DNAH12: variants seen among roughly 807,000 people sequenced by gnomAD.
DNAH12 encodes axonemal beta dynein heavy chain 12.
A neutral mutation model predicts 371.5 loss-of-function variants in DNAH12; 285 were observed. That is an observed-to-expected ratio of 0.77 (90% CI 0.70 to 0.85). The LOEUF (loss-of-function observed/expected upper bound fraction) is 0.85. Ranked by LOEUF, DNAH12 falls within the 40% of genes least tolerant of loss-of-function variation. The probability of loss-of-function intolerance (pLI) is 0.00; values close to 1 mark genes in which losing one functional copy is unlikely to be tolerated. For synonymous variants in DNAH12, 1,200 were observed against 1,213.0 expected (o/e 0.99, Z 0.22); for missense variants, 3,611 against 3,689.4 (o/e 0.98, Z 0.55).
At chr3:57,494,565 CAAAACAAAACAAAACATTGTACT>C (rs1294385702) in intron 11 of DNAH12, among the ~76,000 whole-genome samples, 12 of 151,278 alleles carry the variant, frequency 7.9e-5, no homozygotes, top group Middle Eastern at 3.4e-3. Flanking sequence ...CTGTCTAAAA[CAAAACAAAACAAAACATTGTACT>C]AAAACAAAAC....
chr3:57,431,220 G>C (rs1231199038), intron 32 of DNAH12, among the ~76,000 whole-genome samples: 1 of 100,694 alleles, frequency 9.9e-6, no homozygotes, highest in Admixed American at 9.2e-5. Context: ...GACAACCCCT[G>C]TTTTTTCCCT....
Position 57,334,496 on chromosome 3 carries a change from A to G in DNAH12, c.9947T>C (p.Ile3316Thr). 6.5e-7 allele frequency: 1 copy of G among 1,550,032 alleles called. No individual in the cohort carries two copies. The highest frequency in any genetic ancestry group is 8.7e-7 in the Non-Finnish European group (1 of 1,146,694). Reference sequence around the variant, plus strand: ...AGGTCTTAAACACCGAAGAATTATTATTTTCTGTAGTTCATTTAGGTTCTT... The same window carrying G: ...AGGTCTTAAACACCGAAGAATTATTGTTTTCTGTAGTTCATTTAGGTTCTT... ...MDKNLNELQK[I>T]IILRCLRPDK... The change falls in exon 62 of 74, where the codon ATA (isoleucine) becomes ACA (threonine). Residue 3316 changes from isoleucine to threonine, a missense_variant. Ile to Thr is a moderately conservative substitution (Grantham distance 89, BLOSUM62 -1). This residue lies in a region of DNAH12 where 2,266 missense variants were observed against 2,236.9 expected (regional missense o/e 1.01). Coordinates refer to ENST00000495027, the MANE Select transcript of DNAH12 (RefSeq NM_001366028.2).
chr3:57,339,376 A>C (rs1553655316), intron 60 of DNAH12, among the ~76,000 whole-genome samples: 1 of 141,654 alleles, frequency 7.1e-6, no homozygotes, highest in Non-Finnish European at 1.5e-5. Flanking sequence ...TGATCAATAA[A>C]TACTAAAAAA....
chr3:57,499,673 T>TATATATACAC (rs771112538), intron 11 of DNAH12, among the ~76,000 whole-genome samples: 2,549 of 43,840 alleles, frequency 0.058, 388 homozygotes, highest in Middle Eastern at 0.13. Flanking sequence ...TATATATATA[T>TATATATACAC]ATACTTCTTA....
At chr3:57,431,398 T>C (rs1254881640) in intron 32 of DNAH12, among the ~76,000 whole-genome samples, 2 of 152,188 alleles carry the variant, frequency 1.3e-5, no homozygotes, top group Non-Finnish European at 2.9e-5. Flanking sequence ...ACTCCAGCTG[T>C]CCACTTTATG....
In DNAH12 at chr3:57,537,129, G is replaced by A. The variant is rs147401657; in HGVS notation, c.170+5572C>T. 4.3e-3 allele frequency among the ~76,000 whole-genome samples: 659 copies of A among 152,200 alleles called. 6 individuals are homozygous for A. Among genetic ancestry groups the A allele is most frequent in the African/African-American group, 0.015 (638 of 41,526 alleles). On this transcript the variant is annotated intron_variant, in intron 2 of 73. Coordinates refer to ENST00000495027, the MANE Select transcript of DNAH12 (RefSeq NM_001366028.2). ...GGATTGCTTGAGCCAGGAAGGCAGA[G>A]GTTGCAGTGAACAGAGATCGCACCA...
chr3:57,359,559 C>CAAAAAAAAAAAAAAAAAAA (rs1268515074), intron 58 of DNAH12, among the ~76,000 whole-genome samples: 1 of 72,106 alleles, frequency 1.4e-5, no homozygotes, highest in African/African-American at 4.4e-5. Context: ...AACTCCATCT[C>CAAAAAAAAAAAAAAAAAAA]AAAAAAAAAA....
At chr3:57,523,704 T>C in intron 3 of DNAH12, 95 bp from the exon 4 acceptor site, 1 of 1,283,278 alleles carries the variant, frequency 7.8e-7, no homozygotes, top group Non-Finnish European at 1.0e-6. Flanking sequence ...TAAATATATC[T>C]ATTATTCCTT....
At chr3:57,349,502 A>G (rs1317651627) in intron 60 of DNAH12, among the ~76,000 whole-genome samples, 1 of 152,236 alleles carries the variant, frequency 6.6e-6, no homozygotes, top group South Asian at 2.1e-4. Context: ...TATATGAAAA[A>G]GACACCTGTA....
intron 59 of DNAH12, among the ~76,000 whole-genome samples, chr3:57,356,831 C>T (rs1010692288): frequency 1.3e-5 from 2 of 152,110 alleles, no homozygotes; most frequent in Non-Finnish European, 1.5e-5. Flanking sequence ...CATCCACCTC[C>T]TGAGTTCAAG....
At chr3:57,324,704 T>C (rs2061892344) in intron 62 of DNAH12, among the ~76,000 whole-genome samples, 1 of 152,028 alleles carries the variant, frequency 6.6e-6, no homozygotes, top group African/African-American at 2.4e-5. Context: ...CACTAGGGAG[T>C]GCCAGACAGT....
intron 69 of DNAH12, among the ~76,000 whole-genome samples, 156 bp downstream of exon 69, chr3:57,308,994 CT>C (rs1050184234): frequency 1.3e-4 from 20 of 152,240 alleles, no homozygotes; most frequent in African/African-American, 3.9e-4. Context: ...CACACCGCCC[CT>C]AATCCCGCTT....
At chr3:57,358,088 T>C (rs972550466) in intron 58 of DNAH12, among the ~76,000 whole-genome samples, 1 of 152,222 alleles carries the variant, frequency 6.6e-6, no homozygotes, top group Admixed American at 6.5e-5. Context: ...CCACAGACTC[T>C]GATGAATGGT....
chr3:57,308,905 T>A (rs1028952949), intron 69 of DNAH12, among the ~76,000 whole-genome samples: 36 of 151,930 alleles, frequency 2.4e-4, no homozygotes, highest in Non-Finnish European at 4.4e-5. Context: ...GTAAGACAAA[T>A]GTTTCTTCTA....
At chr3:57,306,661 A>G (rs2061478275) in intron 69 of DNAH12, among the ~76,000 whole-genome samples, 1 of 152,090 alleles carries the variant, frequency 6.6e-6, no homozygotes. Context: ...CTTACCCCGC[A>G]TAATGCCAAT....
At chr3:57,436,605 C>A (rs1012276628) in intron 30 of DNAH12, among the ~76,000 whole-genome samples, 2 of 152,182 alleles carry the variant, frequency 1.3e-5, no homozygotes, top group African/African-American at 4.8e-5. Flanking sequence ...AGGTATGATA[C>A]AAAGGCTACC....
At chr3:57,294,203 G>C (rs1048771512) in intron 73 of DNAH12, among the ~76,000 whole-genome samples, 3 of 137,426 alleles carry the variant, frequency 2.2e-5, no homozygotes, top group Non-Finnish European at 4.6e-5. Context: ...TGGAGACTGA[G>C]TCTCACTCTG....
chr3:57,547,484 G>A (rs1332551565), upstream of DNAH12, among the ~76,000 whole-genome samples: 1 of 152,020 alleles, frequency 6.6e-6, no homozygotes, highest in Non-Finnish European at 1.5e-5. Context: ...AATAGCCAAT[G>A]TTTCCAAAAG....
At chr3:57,498,377 C>A in intron 11 of DNAH12, 1 of 641,664 alleles carries the variant, frequency 1.6e-6, no homozygotes, top group Admixed American at 2.6e-5. Flanking sequence ...AGTGCAGTGG[C>A]ATGATCATAA....
Sources: allele counts gnomAD v4.1 joint callset (sites outside exome capture counted in the v4.1 genomes callset), GRCh38; gene constraint gnomAD v4.1.1; regional missense constraint gnomAD v4.1.1; transcripts MANE v1.5; gene names NCBI Gene and HGNC (gene_info 2026-07-23, HGNC 2026-07-21).